The following ARAP2 variants were observed in gnomAD, a reference collection of about 807,000 sequenced individuals.
ARAP2 encodes the protein ArfGAP with RhoGAP domain, ankyrin repeat and PH domain 2, also known as arf-GAP with Rho-GAP domain, ANK repeat and PH domain-containing protein 2.
In ARAP2, 148 loss-of-function variants were observed where a neutral mutation model predicts 194.5. The ratio of observed to expected loss-of-function variants is 0.76; its 90% CI spans 0.67 to 0.87. The LOEUF (loss-of-function observed/expected upper bound fraction) is 0.87. ARAP2 is among the 40% of genes least tolerant of loss of function. ARAP2 has a pLI of 0.00. For missense variants in ARAP2, 2,128 were observed against 1,989.7 expected (o/e 1.07, Z -1.32); for synonymous variants, 695 against 683.5 (o/e 1.02, Z -0.26).
intron 12 of ARAP2, among the ~76,000 whole-genome samples, 193 bp from the exon 13 acceptor site, chr4:36,160,834 C>T (rs1330031937): frequency 2.6e-5 from 4 of 152,046 alleles, no homozygotes; most frequent in African/African-American, 9.7e-5. Context: ...TACAGCCTAC[C>T]CACTCTAAAT....
At chr4:36,073,135 T>C (rs918201867) in intron 32 of ARAP2, among the ~76,000 whole-genome samples, 2 of 152,104 alleles carry the variant, frequency 1.3e-5, no homozygotes, top group Non-Finnish European at 2.9e-5. Context: ...AAACTTCATG[T>C]CAAGATTGAT....
At chr4:36,105,159 A>C (rs981887945) in intron 27 of ARAP2, among the ~76,000 whole-genome samples, 13 of 152,068 alleles carry the variant, frequency 8.5e-5, no homozygotes, top group Admixed American at 7.9e-4. Context: ...GTCTCCAATA[A>C]AAATACAAAA....
chr4:36,235,967 A>G (rs966312015), intron 1 of ARAP2, among the ~76,000 whole-genome samples: 3 of 152,100 alleles, frequency 2.0e-5, no homozygotes, highest in Admixed American at 2.0e-4. Flanking sequence ...GCTTGAGCCC[A>G]CAATTTCCAG....
chr4:36,184,692 G>C (rs1047894978), intron 8 of ARAP2, among the ~76,000 whole-genome samples: 31 of 152,286 alleles, frequency 2.0e-4, no homozygotes, highest in African/African-American at 7.0e-4. Flanking sequence ...GCTGTATTTA[G>C]TGTGTCTATC....
intron 26 of ARAP2, among the ~76,000 whole-genome samples, chr4:36,109,852 T>TC (rs200589300): frequency 2.9e-3 from 47 of 15,948 alleles, no homozygotes; most frequent in Non-Finnish European, 4.7e-3. Context: ...CCTAATGCTA[T>TC]CCCTCCCCCT....
At chr4:36,026,272 T>C (rs1717886471) in intron 5 of ARAP2, among the ~76,000 whole-genome samples, 1 of 152,186 alleles carries the variant, frequency 6.6e-6, no homozygotes, top group Non-Finnish European at 1.5e-5. Context: ...TCAGACACCT[T>C]AGAAATTGGC....
chr4:36,034,376 T>C lies in ARAP2; in HGVS notation n.607+11603A>G, dbSNP rs528554723. Among the ~76,000 whole-genome samples, 26 of 152,294 alleles carry C rather than the reference T, an allele frequency of 1.7e-4. No homozygotes were observed. In the South Asian group the frequency reaches 3.1e-3, roughly 18 times the overall value. ...TCTCCCACTTCCTTGGTTACAAGTA[T>C]TCTTAGGTATCTTATTATTTTTGTG... On this transcript the variant is annotated intron_variant and non_coding_transcript_variant, in intron 5 of 12. Coordinates refer to the ARAP2 transcript ENST00000503225.
chr4:36,139,470 A>G (rs549460956), intron 19 of ARAP2, among the ~76,000 whole-genome samples: 1 of 151,806 alleles, frequency 6.6e-6, no homozygotes, highest in South Asian at 2.1e-4. Context: ...TAAATTGATT[A>G]TTTCAAAGGA....
intron 23 of ARAP2, 49 bp downstream of exon 23, chr4:36,121,126 GCAAA>G: frequency 7.4e-7 from 1 of 1,351,196 alleles, no homozygotes; most frequent in Non-Finnish European, 1.0e-6. Context: ...ATATTTGTTG[GCAAA>G]CAGTGACATT....
At position 36,139,594 on chromosome 4, in the gene ARAP2, A is replaced by G. The variant is rs1232226011; in HGVS notation, c.3264-6205T>C. Among the ~76,000 whole-genome samples, 2 of 151,410 alleles carry G rather than the reference A, an allele frequency of 1.3e-5. 1 individual carries two copies. Among genetic ancestry groups the G allele is most frequent in the Admixed American group, 1.3e-4 (2 of 15,130 alleles). ...TTGGGTCTAATTTGCTCTTTTTTAG[A>G]TTTTTAAGGTAAAAGTTTAGAGGAT... On this transcript the variant is annotated intron_variant, in intron 19 of 32. Coordinates refer to ENST00000303965, the MANE Select transcript of ARAP2 (RefSeq NM_015230.4).
intron 5 of ARAP2, among the ~76,000 whole-genome samples, chr4:36,023,873 TGAA>T (rs1237295478): frequency 2.6e-5 from 4 of 152,174 alleles, no homozygotes; most frequent in Admixed American, 6.6e-5. Context: ...AGAAGTGGTT[TGAA>T]GAAGAATTTA....
Position 36,121,167 on chromosome 4 carries a change from C to A in ARAP2, c.3894+12G>T. On this transcript the variant is annotated intron_variant, in intron 23 of 32. Transcript: ENST00000303965. ...TAACCATTTTAACAAGGGCAGGATA[C>A]AAAATAATTACCTCAAATATTTCTA... 1 of 1,571,372 alleles carries A rather than the reference C, an allele frequency of 6.4e-7. No homozygotes were observed.
At chr4:36,098,418 A>G (rs1025114948) in intron 27 of ARAP2, among the ~76,000 whole-genome samples, 2 of 152,068 alleles carry the variant, frequency 1.3e-5, no homozygotes, top group African/African-American at 4.8e-5. Flanking sequence ...GCTCCAACAT[A>G]CAACTGCAGA....
chr4:36,097,645 T>C (rs1715662159), intron 27 of ARAP2, among the ~76,000 whole-genome samples: 1 of 152,032 alleles, frequency 6.6e-6, no homozygotes, highest in African/African-American at 2.4e-5. Flanking sequence ...TTCGTGTGAG[T>C]ATAACAGGTT....
At chr4:36,052,290 T>C (rs1722793800) in intron 2 of ARAP2, among the ~76,000 whole-genome samples, 1 of 152,144 alleles carries the variant, frequency 6.6e-6, no homozygotes, top group South Asian at 2.1e-4. Flanking sequence ...GGAAAGGAAG[T>C]AGGAATGAAA....
intron 5 of ARAP2, among the ~76,000 whole-genome samples, chr4:36,211,970 C>T (rs1704481572): frequency 6.6e-6 from 1 of 152,020 alleles, no homozygotes; most frequent in Non-Finnish European, 1.5e-5. Flanking sequence ...ATCCAAATAA[C>T]TGGATAATTG....
rs555343292 is a variant in ARAP2, at chr4:36,105,794, TATAAC to T, written c.4285+1766_4285+1770del. The stretch of plus-strand genomic sequence containing the variant: ...CCCTCAGACATACAGAACCTTCACT[TATAAC>T]ATAGCCTTTTAGGATCTAATTCTTA... On this transcript the variant is annotated intron_variant, in intron 27 of 32. Transcript: ENST00000303965. 1.3e-4 allele frequency among the ~76,000 whole-genome samples: 20 copies of T among 152,084 alleles called. No homozygotes were observed. In the East Asian group the frequency reaches 3.9e-3, roughly 30 times the overall value.
intron 3 of ARAP2, among the ~76,000 whole-genome samples, chr4:36,048,339 G>C (rs2109243738): frequency 6.6e-6 from 1 of 152,144 alleles, no homozygotes; most frequent in African/African-American, 2.4e-5. Flanking sequence ...TCACCAAATA[G>C]GTAGTTTTTC....
intron 3 of ARAP2, among the ~76,000 whole-genome samples, chr4:36,049,449 C>T (rs1301095149): frequency 6.6e-6 from 1 of 152,146 alleles, no homozygotes; most frequent in East Asian, 1.9e-4. Context: ...AAAATGACTG[C>T]CACAGGCATC....
Sources: gnomAD v4.1 joint callset for allele counts (sites outside exome capture counted in the v4.1 genomes callset) on GRCh38, gnomAD v4.1.1 for gene constraint, MANE v1.5 for transcripts, NCBI Gene and HGNC (gene_info 2026-07-23, HGNC 2026-07-21) for gene names.